The following PNLDC1 variants were observed in gnomAD, a reference collection of about 807,000 sequenced individuals.
PNLDC1 encodes poly(A)-specific ribonuclease PNLDC1.
A neutral mutation model predicts 82.0 loss-of-function variants in PNLDC1; 70 were observed. The ratio of observed to expected loss-of-function variants is 0.85; its 90% CI spans 0.70 to 1.04. PNLDC1 has a LOEUF of 1.04. PNLDC1 is among the 50% of genes least tolerant of loss of function. The probability of loss-of-function intolerance (pLI) is 0.00; values close to 1 mark genes in which losing one functional copy is unlikely to be tolerated. For synonymous variants in PNLDC1, 280 were observed against 249.3 expected (o/e 1.12, Z -1.16); for missense variants, 631 against 661.1 (o/e 0.95, Z 0.50).
At chr6:159,805,955 A>G (rs757501535) in intron 6 of PNLDC1, 28 bp from the exon 7 acceptor site, 28 of 1,552,872 alleles carry the variant, frequency 1.8e-5, no homozygotes, top group Non-Finnish European at 2.3e-5. Flanking sequence ...TTTCTCTGAC[A>G]TGTTCACTTT....
intron 14 of PNLDC1, among the ~76,000 whole-genome samples, chr6:159,816,813 T>C (rs1781850075): frequency 6.6e-6 from 1 of 152,010 alleles, no homozygotes; most frequent in Admixed American, 6.5e-5. Flanking sequence ...TACAGGTGCA[T>C]GCCACCACAC....
At chr6:159,806,850 A>C (rs1486273316) in intron 7 of PNLDC1, among the ~76,000 whole-genome samples, 1 of 151,910 alleles carries the variant, frequency 6.6e-6, no homozygotes, top group African/African-American at 2.4e-5. Flanking sequence ...TGTCAAGGAA[A>C]AGTGCTTGTG....
intron 4 of PNLDC1, 41 bp downstream of exon 4, chr6:159,803,351 C>T (rs769800316): frequency 1.3e-6 from 2 of 1,581,034 alleles, no homozygotes; most frequent in Non-Finnish European, 1.7e-6. Flanking sequence ...TGCTTCCCAC[C>T]TATGTTCCAC....
intron 6 of PNLDC1, 109 bp from the exon 7 acceptor site, chr6:159,805,874 A>G: frequency 3.8e-6 from 3 of 788,052 alleles, no homozygotes; most frequent in African/African-American, 3.4e-5. Flanking sequence ...TTCTTTGTAT[A>G]TTGCAACATG....
chr6:159,810,840 T>G (rs912055561), intron 10 of PNLDC1, among the ~76,000 whole-genome samples: 9 of 152,330 alleles, frequency 5.9e-5, no homozygotes, highest in Admixed American at 4.6e-4. Context: ...ATGAAACACC[T>G]GAGTTTGGGC....
Position 159,803,960 on chromosome 6 carries a change from T to C in PNLDC1, c.249-5T>C. ...CTTTTTCTCTGTATGTTTGTTTTAT[T>C]ATAGGTATATAGCCCATTCTTGTAA... On this transcript the variant is annotated splice_region_variant and splice_polypyrimidine_tract_variant and intron_variant, in intron 4 of 18. Transcript: ENST00000392167. 1 of 1,608,804 alleles carries C rather than the reference T, an allele frequency of 6.2e-7. No individual in the cohort carries two copies. Among genetic ancestry groups the C allele is most frequent in the South Asian group, 1.1e-5 (1 of 89,848 alleles).
At chr6:159,807,831 T>C in intron 7 of PNLDC1, among the ~76,000 whole-genome samples, 1 of 152,370 alleles carries the variant, frequency 6.6e-6, no homozygotes, top group East Asian at 1.9e-4. Context: ...TGGTACAGTT[T>C]TAAAGAATAT....
chr6:159,803,294 G>T lies in PNLDC1; in HGVS notation c.232G>T (p.Glu78Ter). Residue 78 changes from glutamate (E) to a stop codon, truncating the protein, a stop_gained, in exon 4 of 19, where the codon GAA becomes TAA. Transcript: ENST00000392167. LOFTEE classifies it high-confidence loss of function. ...AGGATTGTCTGTGTTTTCCGCTATT[G>T]AAGGAGAGGCAAACAAGTATGTATC... ...QIGLSVFSAI[E>*]GEANKYIAHS... 1 of 1,613,970 alleles carries T rather than the reference G, an allele frequency of 6.2e-7. No homozygotes were observed. Among genetic ancestry groups the T allele is most frequent in the East Asian group, 2.2e-5 (1 of 44,876 alleles).
At chr6:159,808,954 C>T (rs1410492970) in intron 8 of PNLDC1, 61 bp from the exon 9 acceptor site, 2 of 1,595,152 alleles carry the variant, frequency 1.3e-6, no homozygotes, top group African/African-American at 2.7e-5. Context: ...GATGCAGAGC[C>T]ATTTCTTTAG....
At chr6:159,800,464 T>G in intron 1 of PNLDC1, 81 bp downstream of exon 1, 1 of 1,470,266 alleles carries the variant, frequency 6.8e-7, no homozygotes, top group Non-Finnish European at 9.2e-7. Flanking sequence ...GCGGGACGGT[T>G]GCCAGGCCAC....
chr6:159,818,793 G>A (rs1781932185), intron 16 of PNLDC1, 139 bp downstream of exon 16: 1 of 1,205,118 alleles, frequency 8.3e-7, no homozygotes, highest in South Asian at 1.4e-5. Context: ...TTCCTCTCAT[G>A]TTTCTCCACT....
At position 159,808,994 on chromosome 6, in the gene PNLDC1, G is replaced by A. The variant is rs201524856; in HGVS notation, c.640-21G>A. On this transcript the variant is annotated intron_variant, in intron 8 of 18. Coordinates refer to ENST00000392167, the MANE Select transcript of PNLDC1 (RefSeq NM_001271862.2). ...CATTCCTAGTAACCCAGGATTCAGGGAATTTGTCCCTGCTTTTCAGGTGGT... is the reference window on the plus strand; with the variant it reads ...CATTCCTAGTAACCCAGGATTCAGGAAATTTGTCCCTGCTTTTCAGGTGGT... 2.5e-3 allele frequency: 4,034 copies of A among 1,609,920 alleles called. 11 individuals are homozygous for A. Among genetic ancestry groups the A allele is most frequent in the Non-Finnish European group, 3.2e-3 (3,750 of 1,178,352 alleles).
rs1583181521 is a variant in PNLDC1 at position 159,815,780 on chromosome 6, A to T, written c.996-189A>T. Among the ~76,000 whole-genome samples, 5 of 152,198 alleles carry T rather than the reference A, an allele frequency of 3.3e-5. No homozygotes were observed. In the South Asian group the frequency reaches 1.0e-3, roughly 32 times the overall value. ...GAGTAACTCCACTGGGGCCTCCTGC[A>T]CCATTGTTCTTTCCCCTTTCCTGTT... On this transcript the variant is annotated intron_variant, in intron 12 of 18. Coordinates refer to ENST00000392167, the MANE Select transcript of PNLDC1 (RefSeq NM_001271862.2).
Position 159,819,132 on chromosome 6 carries a change from C to CT in PNLDC1, c.1433+12dup. 1 of 1,613,306 alleles carries CT rather than the reference C, an allele frequency of 6.2e-7. No homozygotes were observed. Among genetic ancestry groups the CT allele is most frequent in the Non-Finnish European group, 8.5e-7 (1 of 1,179,484 alleles). ...CAATAAGTTTAAGGAGTAGGTGCCT[C>CT]TAAGTCCGCGTCCCCCACCCCTCGT... is the stretch of plus-strand genomic sequence containing the variant. On this transcript the variant is annotated intron_variant, in intron 17 of 18. Transcript: ENST00000392167. This position sits in a 1 kb window ranked among gnomAD's most constrained non-coding sequence, Gnocchi z 4.6.
intron 16 of PNLDC1, 138 bp from the exon 17 acceptor site, chr6:159,818,808 C>G: frequency 8.3e-7 from 1 of 1,202,090 alleles, no homozygotes; most frequent in Non-Finnish European, 1.2e-6. Context: ...TCCACTAAAG[C>G]CAACATGGAC....
intron 7 of PNLDC1, among the ~76,000 whole-genome samples, chr6:159,808,265 G>A (rs1453170222): frequency 6.6e-6 from 1 of 152,204 alleles, no homozygotes; most frequent in African/African-American, 2.4e-5. Flanking sequence ...CAACAGATTG[G>A]ATGCAAATGC....
Position 159,808,765 on chromosome 6 carries a change from G to C in PNLDC1, c.588G>C (p.Leu196=). 1.2e-6 allele frequency: 2 copies of C among 1,614,016 alleles called. No homozygotes were observed. Among genetic ancestry groups the C allele is most frequent in the Non-Finnish European group, 1.7e-6 (2 of 1,179,972 alleles). Residue 196 remains leucine (L), a synonymous_variant, in exon 8 of 19, where the codon CTG becomes CTC. Coordinates refer to ENST00000392167, the MANE Select transcript of PNLDC1 (RefSeq NM_001271862.2). ...GCTTCCAGGCCTTTGAGGTCCAACT[G>C]GTGCTGAGGCAGGCCCTCCCCAACA... ...ITGFQAFEVQ[L]VLRQALPNIW... is the part of the protein sequence containing the mutation.
intron 9 of PNLDC1, among the ~76,000 whole-genome samples, chr6:159,809,623 A>T (rs1781577320): frequency 6.6e-6 from 1 of 151,992 alleles, no homozygotes; most frequent in East Asian, 1.9e-4. Flanking sequence ...AGCTTCCTGG[A>T]TCTAACCTTG....
intron 12 of PNLDC1, among the ~76,000 whole-genome samples, chr6:159,814,046 G>A (rs1050445588): frequency 6.6e-5 from 10 of 152,072 alleles, no homozygotes; most frequent in Non-Finnish European, 1.3e-4. Flanking sequence ...CCCCTTCCCG[G>A]GGTGTCTCCA....
Sources: gnomAD v4.1 joint callset for allele counts (sites outside exome capture counted in the v4.1 genomes callset) on GRCh38, gnomAD v4.1.1 for gene constraint, Gnocchi (gnomAD v3.1) non-coding constraint, MANE v1.5 for transcripts, NCBI Gene and HGNC (gene_info 2026-07-23, HGNC 2026-07-21) for gene names.